Variants in PTPRD observed in about 807,000 individuals in gnomAD.
PTPRD encodes protein tyrosine phosphatase receptor type D.
Under a neutral mutation model 214.5 loss-of-function variants are expected in PTPRD, and 34 were observed. The observed-to-expected ratio is 0.16, with a 90% CI of 0.12 to 0.21. The LOEUF (loss-of-function observed/expected upper bound fraction) is 0.21. Ranked by LOEUF, PTPRD falls within the 10% of genes least tolerant of loss-of-function variation. PTPRD has a pLI of 1.00. For synonymous variants in PTPRD, 1,128 were observed against 845.7 expected (o/e 1.33, Z -5.79); for missense variants, 2,545 against 2,398.7 (o/e 1.06, Z -1.27).
intron 14 of PTPRD, among the ~76,000 whole-genome samples, chr9:8,606,776 C>T (rs1004068855): frequency 2.6e-5 from 4 of 152,212 alleles, no homozygotes; most frequent in African/African-American, 9.6e-5. Context: ...ATCTCTCTCA[C>T]CTCCTTAGTT....
At chr9:10,038,337 T>C (rs753314171) in intron 3 of PTPRD, among the ~76,000 whole-genome samples, 26 of 152,096 alleles carry the variant, frequency 1.7e-4, no homozygotes, top group Non-Finnish European at 1.5e-5. Context: ...AAATCCCAAA[T>C]ATATAGCCCC....
chr9:9,565,897 C>T (rs771249541), intron 8 of PTPRD, among the ~76,000 whole-genome samples: 2 of 151,758 alleles, frequency 1.3e-5, no homozygotes, highest in African/African-American at 4.8e-5. Flanking sequence ...TACTTAAACC[C>T]CTTTGTTGAT....
intron 3 of PTPRD, among the ~76,000 whole-genome samples, chr9:10,299,323 G>A (rs551581229): frequency 6.6e-6 from 1 of 152,180 alleles, no homozygotes; most frequent in East Asian, 1.9e-4. Flanking sequence ...TCAGAAATCT[G>A]TAATGTGTGT....
intron 9 of PTPRD, among the ~76,000 whole-genome samples, chr9:9,328,341 T>C (rs1358208485): frequency 6.6e-6 from 1 of 152,106 alleles, no homozygotes; most frequent in Non-Finnish European, 1.5e-5. Flanking sequence ...CTTACATGAT[T>C]CACTTTTAGA....
At chr9:9,231,174 G>C (rs2099962874) in intron 9 of PTPRD, among the ~76,000 whole-genome samples, 1 of 152,094 alleles carries the variant, frequency 6.6e-6, no homozygotes, top group Non-Finnish European at 1.5e-5. Flanking sequence ...GAGAAAATTA[G>C]TTTTTAAAAG....
intron 8 of PTPRD, among the ~76,000 whole-genome samples, chr9:9,479,839 A>C (rs1242753800): frequency 3.3e-5 from 5 of 152,154 alleles, no homozygotes; most frequent in Admixed American, 3.3e-4. Context: ...ACATCAAGTA[A>C]GTATAATGTC....
chr9:10,231,971 AGAGAGAGAGAG>A (rs2099611915), intron 3 of PTPRD, among the ~76,000 whole-genome samples: 1 of 112,398 alleles, frequency 8.9e-6, no homozygotes, highest in Non-Finnish European at 1.9e-5. Context: ...AGAGAGAGAG[AGAGAGAGAGAG>A]AGAGAGAGTG....
chr9:9,404,344 T>A (rs970875666), intron 8 of PTPRD, among the ~76,000 whole-genome samples: 2 of 152,056 alleles, frequency 1.3e-5, no homozygotes, highest in Non-Finnish European at 2.9e-5. Context: ...GAGCTGGTAG[T>A]GGTTTATACT....
At chr9:9,944,252 A>G (rs967524370) in intron 4 of PTPRD, among the ~76,000 whole-genome samples, 5 of 152,136 alleles carry the variant, frequency 3.3e-5, no homozygotes, top group African/African-American at 7.2e-5. Flanking sequence ...CCTATAGTAG[A>G]TATCTACTTA....
intron 9 of PTPRD, among the ~76,000 whole-genome samples, chr9:9,225,709 C>T (rs894321498): frequency 6.6e-6 from 1 of 151,876 alleles, no homozygotes; most frequent in Non-Finnish European, 1.5e-5. Context: ...AGTTTCACAA[C>T]AGGAAGATGG....
chr9:9,060,431 T>G (rs1362730294), intron 10 of PTPRD, among the ~76,000 whole-genome samples: 1 of 152,130 alleles, frequency 6.6e-6, no homozygotes, highest in Non-Finnish European at 1.5e-5. Flanking sequence ...TTTTAGAATC[T>G]TGGGACAGAA....
chr9:9,018,060 C>T (rs528060304), intron 11 of PTPRD, among the ~76,000 whole-genome samples: 3 of 151,934 alleles, frequency 2.0e-5, no homozygotes, highest in South Asian at 2.1e-4. Context: ...GAAGATCTGT[C>T]GTCTTTCTTC....
At chr9:8,551,597 T>A (rs1356547546) in intron 14 of PTPRD, among the ~76,000 whole-genome samples, 1 of 152,226 alleles carries the variant, frequency 6.6e-6, no homozygotes, top group Admixed American at 6.5e-5. Flanking sequence ...TCATTTTAAG[T>A]AGCTTCAGAT....
At chr9:10,502,647 C>T (rs1051571243) in intron 2 of PTPRD, among the ~76,000 whole-genome samples, 4 of 151,978 alleles carry the variant, frequency 2.6e-5, no homozygotes, top group Non-Finnish European at 4.4e-5. Context: ...AGGCTAAAAA[C>T]GAAACACTGT....
intron 3 of PTPRD, among the ~76,000 whole-genome samples, chr9:10,206,354 G>A (rs1269976037): frequency 6.6e-6 from 1 of 152,044 alleles, no homozygotes; most frequent in East Asian, 1.9e-4. Context: ...TTTTCCGAGG[G>A]CACTAGGTAG....
intron 43 of PTPRD, among the ~76,000 whole-genome samples, chr9:8,332,469 A>AAAAG (rs1441850817): frequency 1.3e-5 from 2 of 152,312 alleles, no homozygotes; most frequent in African/African-American, 2.4e-5. Flanking sequence ...CCTTTTCTGA[A>AAAAG]AAAGAGCTCT....
At chr9:9,891,374 CT>C (rs35668805) in intron 5 of PTPRD, among the ~76,000 whole-genome samples, 6,138 of 141,744 alleles carry the variant, frequency 0.043, 231 homozygotes, top group African/African-American at 0.097. Flanking sequence ...AAAACATACA[CT>C]TTTTTTTTTT....
chr9:9,766,327 T>G (rs569694488), intron 6 of PTPRD, among the ~76,000 whole-genome samples: 1 of 152,314 alleles, frequency 6.6e-6, no homozygotes, highest in East Asian at 1.9e-4. Context: ...TATATACTGT[T>G]TACTGAGCTG....
chr9:9,530,910 G>A (rs1270579425), intron 8 of PTPRD, among the ~76,000 whole-genome samples: 1 of 152,064 alleles, frequency 6.6e-6, no homozygotes, highest in East Asian at 1.9e-4. Flanking sequence ...TGGATGATGA[G>A]GAGGGGTTGG....
Sources: allele counts gnomAD v4.1 joint callset (sites outside exome capture counted in the v4.1 genomes callset), GRCh38; gene constraint gnomAD v4.1.1; transcripts MANE v1.5; gene names NCBI Gene and HGNC (gene_info 2026-07-23, HGNC 2026-07-21).